Variants in RARB observed in about 807,000 individuals in gnomAD.
RARB encodes HBV-activated protein.
RARB carries 17 observed loss-of-function variants against 51.9 expected under a neutral mutation model. That is an observed-to-expected ratio of 0.33 (90% CI 0.22 to 0.49). The LOEUF is 0.49. Among genes scored for constraint, RARB ranks in the 20% least tolerant of loss-of-function variants. The pLI, the probability that RARB is intolerant of heterozygous loss-of-function variation, is 0.99. For synonymous variants in RARB, 215 were observed against 195.4 expected, an observed-to-expected ratio of 1.10 and a Z score of -0.84; for missense variants, 369 against 550.8, an observed-to-expected ratio of 0.67 and a Z score of 3.30.
chr3:25,570,182 C>A (rs1462768848), intron 4 of RARB, among the ~76,000 whole-genome samples: 9 of 152,258 alleles, frequency 5.9e-5, no homozygotes, highest in Non-Finnish European at 5.9e-5. Flanking sequence ...GATGCATTAA[C>A]TGAGTATTTG....
intron 5 of RARB, among the ~76,000 whole-genome samples, chr3:25,309,489 T>TC (rs1202202839): frequency 1.7e-5 from 1 of 59,334 alleles, no homozygotes; most frequent in Non-Finnish European, 3.2e-5. Flanking sequence ...ATAGTTGCTT[T>TC]TTTTTTTTTT....
intron 2 of RARB, among the ~76,000 whole-genome samples, chr3:25,467,468 G>A (rs865881182): frequency 2.1e-5 from 3 of 144,270 alleles, no homozygotes; most frequent in African/African-American, 7.6e-5. Context: ...TCACGTGGTG[G>A]ATGGGTTCCC....
intron 5 of RARB, among the ~76,000 whole-genome samples, chr3:25,408,759 A>G (rs1307535427): frequency 6.6e-6 from 1 of 152,276 alleles, no homozygotes; most frequent in African/African-American, 2.4e-5. Context: ...AACAGGGCCA[A>G]GTGCAGTGGC....
chr3:25,446,569 C>T lies in RARB; in HGVS notation c.158-14624C>T, dbSNP rs533139526. ...CTGTAATCCCAGCACTTTGGGAGGC[C>T]GAGGCGGGCAGATCAAGAGGTCAGG... is the stretch of plus-strand genomic sequence containing the variant. On this transcript the variant is annotated intron_variant, in intron 1 of 7. Transcript: ENST00000330688. Among the ~76,000 whole-genome samples, 15 of 151,962 alleles carry T rather than the reference C, an allele frequency of 9.9e-5. No individual in the cohort carries two copies. The East Asian group carries it at 2.3e-3, about 24-fold the overall frequency.
intron 5 of RARB, among the ~76,000 whole-genome samples, chr3:25,255,921 T>C (rs566969633): frequency 2.0e-5 from 3 of 152,308 alleles, no homozygotes; most frequent in East Asian, 1.9e-4. Flanking sequence ...ATAATGTTTA[T>C]TTCCCACAGG....
At chr3:25,159,416 C>CCT (rs1700439056) in intron 4 of RARB, among the ~76,000 whole-genome samples, 1 of 150,822 alleles carries the variant, frequency 6.6e-6, no homozygotes, top group African/African-American at 2.4e-5. Flanking sequence ...TGATCCACCC[C>CCT]CCCCGCTCCC....
intron 5 of RARB, among the ~76,000 whole-genome samples, chr3:25,414,322 A>G (rs563775637): frequency 4.6e-5 from 7 of 152,304 alleles, no homozygotes; most frequent in South Asian, 2.1e-4. Context: ...CAATTCACCT[A>G]TTGATGGACA....
intron 2 of RARB, among the ~76,000 whole-genome samples, chr3:24,994,934 G>C (rs1179458035): frequency 3.1e-4 from 47 of 152,076 alleles, no homozygotes; most frequent in Admixed American, 3.0e-3. Flanking sequence ...GATACTTCCA[G>C]CTTTGTTGTT....
At chr3:25,408,682 T>C (rs1707479926) in intron 5 of RARB, among the ~76,000 whole-genome samples, 1 of 152,120 alleles carries the variant, frequency 6.6e-6, no homozygotes, top group African/African-American at 2.4e-5. Flanking sequence ...CTTCCCTGGC[T>C]CCAGGAAGCA....
In RARB at chr3:24,912,975, C is replaced by CTTTTTTTTTTTTTTTTTTTTTTTTTTTT. The variant is rs386396163; in HGVS notation, c.-380+54245_-380+54246insTTTTTTTTTTTTTTTTTTTTTTTTTTTT. Among the ~76,000 whole-genome samples, 110 of 75,024 alleles carry CTTTTTTTTTTTTTTTTTTTTTTTTTTTT rather than the reference C, an allele frequency of 1.5e-3. 22 individuals are homozygous for CTTTTTTTTTTTTTTTTTTTTTTTTTTTT. The highest frequency in any genetic ancestry group is 1.9e-3 in the Non-Finnish European group (76 of 38,978). 49.2% of individuals were successfully genotyped at this position (75,024 alleles called of 152,430 possible). A position where few individuals can be genotyped will look rare whatever the true frequency, so the allele number is the denominator to read the frequency against. Reference sequence around the variant, plus strand: ...GCAATACGCACACAAGGTACTGATTCTTTTTTTTTTTTTTTTTTTTTTGGA... The same window carrying CTTTTTTTTTTTTTTTTTTTTTTTTTTTT: ...GCAATACGCACACAAGGTACTGATTCTTTTTTTTTTTTTTTTTTTTTTTTTTTTTTTTTTTTTTTTTTTTTTTTTTGGA... On this transcript the variant is annotated intron_variant, in intron 2 of 11. Coordinates refer to the RARB transcript ENST00000383772.
intron 1 of RARB, among the ~76,000 whole-genome samples, chr3:25,444,137 C>A (rs976851802): frequency 3.3e-5 from 5 of 152,120 alleles, no homozygotes; most frequent in African/African-American, 4.8e-5. Context: ...ATCTAGTCCT[C>A]AGAGCAGCCT....
intron 5 of RARB, among the ~76,000 whole-genome samples, chr3:25,375,013 G>A (rs1706416707): frequency 6.6e-6 from 1 of 151,852 alleles, no homozygotes; most frequent in African/African-American, 2.4e-5. Flanking sequence ...TCATCTTCCA[G>A]GCTCAGAATA....
chr3:25,168,095 G>A (rs576464824), intron 4 of RARB, among the ~76,000 whole-genome samples: 1 of 152,244 alleles, frequency 6.6e-6, no homozygotes, highest in Admixed American at 6.5e-5. Flanking sequence ...AGAGAATTTG[G>A]CAGACAATAC....
intron 1 of RARB, among the ~76,000 whole-genome samples, chr3:24,852,354 A>C (rs1436972805): frequency 6.6e-6 from 1 of 152,230 alleles, no homozygotes; most frequent in Admixed American, 6.5e-5. Flanking sequence ...CTAACAAATC[A>C]GAAACTCTGG....
rs115101930 is a variant in RARB, at chr3:25,441,257, C to G, written c.157+12369C>G. ...CAACCAGATAGGCCTCACTTGGCTC[C>G]TGCAAAGCACCAGTAGCTGCGCTCT... On this transcript the variant is annotated intron_variant, in intron 1 of 7. Transcript: ENST00000330688. 1.6e-3 allele frequency: 647 copies of G among 403,462 alleles called. 6 individuals are homozygous for G. The highest frequency in any genetic ancestry group is 0.012 in the African/African-American group (554 of 47,906). The allele number at this position is 403,462 out of a possible 1,614,324, so 25.0% of individuals were successfully genotyped here. A position where few individuals can be genotyped will look rare whatever the true frequency, so the allele number is the denominator to read the frequency against.
chr3:25,523,251 C>T (rs76654177), intron 3 of RARB, among the ~76,000 whole-genome samples: 4 of 152,110 alleles, frequency 2.6e-5, no homozygotes, highest in Non-Finnish European at 5.9e-5. Context: ...CTTGATTTCT[C>T]ATCTAATGGG....
intron 2 of RARB, among the ~76,000 whole-genome samples, chr3:25,004,562 A>G (rs578005152): frequency 2.6e-4 from 40 of 152,236 alleles, no homozygotes; most frequent in Admixed American, 5.2e-4. Flanking sequence ...CAGAGCTCTC[A>G]TGGCCTAATC....
rs1398417317 is a variant in RARB at position 25,007,599 on chromosome 3, AAAAAAC to A, written c.-379-52520_-379-52515del. ...AACAGAGTGAGACTGTCTCAAAAAA[AAAAAAC>A]AAAAAAACCTCATATTTTCTGAAAG... On this transcript the variant is annotated intron_variant, in intron 2 of 11. Coordinates refer to the RARB transcript ENST00000383772. Among the ~76,000 whole-genome samples, 7 of 143,622 alleles carry A rather than the reference AAAAAAC, an allele frequency of 4.9e-5. 1 individual carries two copies. Among genetic ancestry groups the A allele is most frequent in the African/African-American group, 1.1e-4 (4 of 37,052 alleles). The allele number at this position is 143,622 out of a possible 152,430, so 94.2% of individuals were successfully genotyped here. A position where few individuals can be genotyped will look rare whatever the true frequency, so the allele number is the denominator to read the frequency against.
intron 1 of RARB, among the ~76,000 whole-genome samples, chr3:24,853,562 C>T (rs1036952448): frequency 1.3e-5 from 2 of 152,128 alleles, no homozygotes; most frequent in Non-Finnish European, 2.9e-5. Context: ...GCAGAGGATA[C>T]TAACATCTGA....
Sources: gnomAD v4.1 joint callset for allele counts (sites outside exome capture counted in the v4.1 genomes callset) on GRCh38, gnomAD v4.1.1 for gene constraint, MANE v1.5 for transcripts, NCBI Gene and HGNC (gene_info 2026-07-23, HGNC 2026-07-21) for gene names.